TMPRSS11D: variants seen among roughly 807,000 people sequenced by gnomAD.
TMPRSS11D encodes transmembrane protease serine 11D.
TMPRSS11D carries 32 observed loss-of-function variants against 44.4 expected under a neutral mutation model. That is an observed-to-expected ratio of 0.72 (90% CI 0.54 to 0.97). The LOEUF is 0.97. Ranked by LOEUF, TMPRSS11D falls within the 50% of genes least tolerant of loss-of-function variation. TMPRSS11D has a pLI of 0.00. For missense variants in TMPRSS11D, 446 were observed against 502.6 expected, an observed-to-expected ratio of 0.89 and a Z score of 1.08; for synonymous variants, 179 against 177.9, an observed-to-expected ratio of 1.01 and a Z score of -0.05.
Position 67,842,470 on chromosome 4 carries a change from C to A in TMPRSS11D, c.317+88G>T, listed in dbSNP as rs1282058047. The A allele has an allele frequency of 3.5e-6, 4 of 1,146,270 alleles. No homozygotes were observed. The East Asian group carries it at 9.5e-5, about 27-fold the overall frequency. The allele number at this position is 1,146,270 out of a possible 1,614,324, so 71.0% of individuals were successfully genotyped here. A position where few individuals can be genotyped will look rare whatever the true frequency, so the allele number is the denominator to read the frequency against. On this transcript the variant is annotated intron_variant, in intron 4 of 9. Transcript: ENST00000283916. Reference sequence around the variant, plus strand: ...ATAATATTACAACAACTTATCTGAACATGTCATTTACTATTCATTCTGTGA... The same window carrying A: ...ATAATATTACAACAACTTATCTGAAAATGTCATTTACTATTCATTCTGTGA...
chr4:67,837,300 A>G (rs891999438), intron 5 of TMPRSS11D, among the ~76,000 whole-genome samples: 1 of 152,194 alleles, frequency 6.6e-6, no homozygotes, highest in Non-Finnish European at 1.5e-5. Context: ...CAATCAGGCC[A>G]TGGAGTTGGA....
chr4:67,865,575 C>T (rs551570387), intron 1 of TMPRSS11D, among the ~76,000 whole-genome samples: 38 of 151,324 alleles, frequency 2.5e-4, no homozygotes, highest in Non-Finnish European at 5.0e-4. Flanking sequence ...ATTGATAGAC[C>T]GCTACCTAGA....
chr4:67,857,876 T>C (rs1718693307), intron 2 of TMPRSS11D, among the ~76,000 whole-genome samples: 1 of 152,174 alleles, frequency 6.6e-6, no homozygotes, highest in East Asian at 1.9e-4. Context: ...GTTGTTCTAA[T>C]ACATAGAAAT....
intron 5 of TMPRSS11D, among the ~76,000 whole-genome samples, chr4:67,837,607 TTTC>T (rs1311052232): frequency 2.6e-5 from 4 of 152,122 alleles, no homozygotes; most frequent in African/African-American, 9.7e-5. Flanking sequence ...GCATATATTA[TTTC>T]TTTTCTTTCA....
At chr4:67,839,166 G>T (rs1457470304) in intron 4 of TMPRSS11D, 2 of 151,950 alleles carry the variant, frequency 1.3e-5, no homozygotes, top group African/African-American at 4.8e-5. Context: ...TTCCAGATAT[G>T]AATTTAATAT....
intron 6 of TMPRSS11D, 91 bp downstream of exon 6, chr4:67,834,992 A>G: frequency 8.6e-7 from 1 of 1,161,864 alleles, no homozygotes; most frequent in Non-Finnish European, 1.3e-6. Context: ...AACTTGATAG[A>G]TACTGCCTTG....
chr4:67,864,616 C>T (rs1387842006), intron 1 of TMPRSS11D, among the ~76,000 whole-genome samples: 1 of 151,788 alleles, frequency 6.6e-6, no homozygotes, highest in African/African-American at 2.4e-5. Flanking sequence ...CAACTATATG[C>T]TGCTTATAAA....
intron 3 of TMPRSS11D, among the ~76,000 whole-genome samples, chr4:67,852,829 A>G (rs1718540999): frequency 6.6e-6 from 1 of 152,134 alleles, no homozygotes; most frequent in African/African-American, 2.4e-5. Flanking sequence ...AATGTTGTGG[A>G]TATATAAAAA....
chr4:67,845,351 T>C (rs552683225), intron 3 of TMPRSS11D, among the ~76,000 whole-genome samples: 1 of 152,152 alleles, frequency 6.6e-6, no homozygotes, highest in Non-Finnish European at 1.5e-5. Flanking sequence ...AGTATTCTAA[T>C]GAGATAGTGA....
At chr4:67,850,663 T>C (rs1718481524) in intron 3 of TMPRSS11D, among the ~76,000 whole-genome samples, 1 of 152,150 alleles carries the variant, frequency 6.6e-6, no homozygotes, top group Non-Finnish European at 1.5e-5. Flanking sequence ...AGGAGTGCAC[T>C]TGGACAGGCA....
Position 67,835,120 on chromosome 4 carries a change from T to A in TMPRSS11D, c.477A>T (p.Ser159=). The A allele has an allele frequency of 1.2e-6, 2 of 1,611,210 alleles. No individual in the cohort carries two copies. Among genetic ancestry groups the A allele is most frequent in the Non-Finnish European group, 1.7e-6 (2 of 1,177,844 alleles). Residue 159 remains serine (S), a splice_region_variant and synonymous_variant, in exon 6 of 10, where the codon TCA becomes TCT. Coordinates refer to ENST00000283916, the MANE Select transcript of TMPRSS11D (RefSeq NM_004262.3). Reference sequence around the variant, plus strand: ...AATTTGCTGCAGCCTGGTCAGTAAGTGCTAGTATTAAAAAATGAGAATAAG... The same window carrying A: ...AATTTGCTGCAGCCTGGTCAGTAAGAGCTAGTATTAAAAAATGAGAATAAG... ...LEINPSTEIT[S]LTDQAAANWL... is the part of the protein sequence containing the mutation.
chr4:67,864,723 C>T (rs572622121), intron 1 of TMPRSS11D, among the ~76,000 whole-genome samples: 23 of 151,708 alleles, frequency 1.5e-4, no homozygotes, highest in African/African-American at 5.1e-4. Context: ...ATAGAAGTAG[C>T]TATGTTTATA....
At position 67,825,860 on chromosome 4, in the gene TMPRSS11D, C is replaced by G. The variant is rs746303208; in HGVS notation, c.967G>C (p.Glu323Gln). The change falls in exon 9 of 10, where the codon GAG (glutamate) becomes CAG (glutamine). Residue 323 changes from glutamate (E) to glutamine (Q), a missense_variant. By Grantham distance (29) the Glu-to-Gln change is conservative. Transcript: ENST00000283916. The part of the protein sequence containing the change: ...AQEYAGHTVP[E>Q]LRQGQVRIIS... ...ATTCTGACCTGTCCTTGCCTTAGCTCTGGAACTGTGTGGCCTGTTTGTTAT... is the reference window on the plus strand; with the variant it reads ...ATTCTGACCTGTCCTTGCCTTAGCTGTGGAACTGTGTGGCCTGTTTGTTAT... 3.1e-6 allele frequency: 5 copies of G among 1,611,362 alleles called. No individual in the cohort carries two copies. Among genetic ancestry groups the G allele is most frequent in the Non-Finnish European group, 4.2e-6 (5 of 1,178,432 alleles).
chr4:67,834,892 AG>A (rs1718038554), intron 6 of TMPRSS11D, among the ~76,000 whole-genome samples, 190 bp downstream of exon 6: 2 of 152,102 alleles, frequency 1.3e-5, no homozygotes, highest in African/African-American at 4.8e-5. Context: ...CTAAAAGGAA[AG>A]GGGAAACCTA....
intron 1 of TMPRSS11D, among the ~76,000 whole-genome samples, chr4:67,883,271 A>G (rs778782269): frequency 6.6e-6 from 1 of 152,060 alleles, no homozygotes; most frequent in Non-Finnish European, 1.5e-5. Flanking sequence ...ACCAAGTTAC[A>G]TAATTATTTC....
intron 2 of TMPRSS11D, among the ~76,000 whole-genome samples, chr4:67,856,608 C>T (rs1718641799): frequency 6.6e-6 from 1 of 151,906 alleles, no homozygotes; most frequent in Admixed American, 6.6e-5. Context: ...AAAGTACAGA[C>T]AACAAAACCA....
intron 3 of TMPRSS11D, among the ~76,000 whole-genome samples, chr4:67,850,601 C>G (rs575472535): frequency 1.7e-4 from 26 of 152,230 alleles, no homozygotes; most frequent in Admixed American, 1.2e-3. Flanking sequence ...GGGCTCGGTG[C>G]CAGCTCTGGT....
chr4:67,872,380 C>T (rs1019929842), intron 1 of TMPRSS11D, among the ~76,000 whole-genome samples: 12 of 151,800 alleles, frequency 7.9e-5, no homozygotes, highest in African/African-American at 2.9e-4. Context: ...ATTTTGCTGG[C>T]TACCGTAAAT....
In TMPRSS11D at chr4:67,825,874, C is replaced by T; in HGVS notation, c.953G>A (p.Gly318Asp). The T allele has an allele frequency of 1.2e-6, 2 of 1,605,162 alleles. No individual in the cohort carries two copies. The highest frequency in any genetic ancestry group is 1.7e-6 in the Non-Finnish European group (2 of 1,174,680). The change falls in exon 9 of 10, where the codon GGC becomes GAC. Residue 318 changes from glycine to aspartate, a missense_variant and splice_region_variant. Gly to Asp is a moderately conservative substitution (Grantham distance 94). Coordinates refer to ENST00000283916, the MANE Select transcript of TMPRSS11D (RefSeq NM_004262.3). ...TTGCCTTAGCTCTGGAACTGTGTGG[C>T]CTGTTTGTTATAAAAGCAGGAAAAA... ...VTGWGAQEYAGHTVPELRQGQ... is the reference protein window; with the variant it reads ...VTGWGAQEYADHTVPELRQGQ...
Sources: gnomAD v4.1 joint callset for allele counts (sites outside exome capture counted in the v4.1 genomes callset) on GRCh38, gnomAD v4.1.1 for gene constraint, MANE v1.5 for transcripts, NCBI Gene and HGNC (gene_info 2026-07-23, HGNC 2026-07-21) for gene names.